ITGB3BP: variants seen among roughly 807,000 people sequenced by gnomAD.
ITGB3BP encodes integrin subunit beta 3 binding protein.
Under a neutral mutation model 29.1 loss-of-function variants are expected in ITGB3BP, and 27 were observed. The observed-to-expected ratio is 0.93, with a 90% confidence interval of 0.68 to 1.28. The LOEUF is 1.28. ITGB3BP is among the 50% of genes most tolerant of loss of function. The probability of loss-of-function intolerance (pLI) is 0.00; values close to 1 mark genes in which losing one functional copy is unlikely to be tolerated. For synonymous variants in ITGB3BP, 61 were observed against 61.4 expected, an observed-to-expected ratio of 0.99 and a Z score of 0.03; for missense variants, 192 against 200.2, an observed-to-expected ratio of 0.96 and a Z score of 0.25.
intron 2 of ITGB3BP, among the ~76,000 whole-genome samples, chr1:63,497,839 A>C (rs998486745): frequency 2.6e-5 from 4 of 152,126 alleles, no homozygotes; most frequent in Non-Finnish European, 4.4e-5. Context: ...TGACTTTATC[A>C]CTGGGGTGTG....
intron 4 of ITGB3BP, among the ~76,000 whole-genome samples, chr1:63,477,977 C>G (rs963894915): frequency 6.6e-6 from 1 of 152,136 alleles, no homozygotes. Flanking sequence ...TCCATGGAGG[C>G]TCAAGTCTCC....
At chr1:63,523,388 CT>C (rs1646509267), upstream of ITGB3BP, 4 of 570,258 alleles carry the variant, frequency 7.0e-6, no homozygotes, top group Non-Finnish European at 1.3e-5. Flanking sequence ...CCTTCTCTCA[CT>C]ACTCTGGCCA....
At chr1:63,517,869 G>A (rs983582407) in intron 1 of ITGB3BP, among the ~76,000 whole-genome samples, 4 of 152,010 alleles carry the variant, frequency 2.6e-5, no homozygotes, top group African/African-American at 4.8e-5. Flanking sequence ...CTACAGGCAC[G>A]TAACGTCACA....
chr1:63,468,691 A>G (rs1645141941), intron 4 of ITGB3BP, among the ~76,000 whole-genome samples: 2 of 151,810 alleles, frequency 1.3e-5, no homozygotes, highest in Admixed American at 1.3e-4. Context: ...GAGAAACCCC[A>G]TCTCTACTAA....
chr1:63,473,694 G>C (rs1463412889), intron 4 of ITGB3BP, among the ~76,000 whole-genome samples: 1 of 85,108 alleles, frequency 1.2e-5, no homozygotes, highest in Non-Finnish European at 2.5e-5. Context: ...TGCCTGGCCA[G>C]CCGCCCCGTC....
chr1:63,491,850 G>C (rs1645655082), intron 2 of ITGB3BP, among the ~76,000 whole-genome samples: 1 of 151,776 alleles, frequency 6.6e-6, no homozygotes, highest in African/African-American at 2.4e-5. Context: ...TTTTTGTACA[G>C]TGAAAGGGTT....
At chr1:63,477,452 C>A (rs555988760) in intron 4 of ITGB3BP, among the ~76,000 whole-genome samples, 1 of 152,298 alleles carries the variant, frequency 6.6e-6, no homozygotes, top group South Asian at 2.1e-4. Flanking sequence ...CATGCAGTAT[C>A]TCACACCTGT....
chr1:63,508,056 A>G (rs1557651935), intron 2 of ITGB3BP, among the ~76,000 whole-genome samples: 1 of 152,168 alleles, frequency 6.6e-6, no homozygotes, highest in Non-Finnish European at 1.5e-5. Context: ...CTGTGGTGCA[A>G]TTTATTACGG....
intron 2 of ITGB3BP, among the ~76,000 whole-genome samples, chr1:63,500,310 G>C (rs757319768): frequency 6.6e-6 from 1 of 152,124 alleles, no homozygotes; most frequent in Non-Finnish European, 1.5e-5. Context: ...CCCAGGAGGC[G>C]GAGGTTGCAG....
chr1:63,484,771 T>C (rs189936201), intron 3 of ITGB3BP, among the ~76,000 whole-genome samples: 1 of 152,202 alleles, frequency 6.6e-6, no homozygotes, highest in African/African-American at 2.4e-5. Context: ...GTCTATGTCC[T>C]TCCTTTTTAA....
At chr1:63,470,416 G>A (rs775972207) in intron 4 of ITGB3BP, among the ~76,000 whole-genome samples, 5 of 152,204 alleles carry the variant, frequency 3.3e-5, no homozygotes, top group South Asian at 4.1e-4. Context: ...CCCAGATCAC[G>A]AAAGAGAACA....
At position 63,523,113 on chromosome 1, in the gene ITGB3BP, G is replaced by C. The variant is rs375198665; in HGVS notation, c.5+16C>G. 6.2e-7 allele frequency: 1 copy of C among 1,613,994 alleles called. No homozygotes were observed. Among genetic ancestry groups the C allele is most frequent in the Admixed American group, 1.7e-5 (1 of 60,004 alleles). On this transcript the variant is annotated intron_variant, in intron 1 of 8. Transcript: ENST00000271002. ...AGGGCCCCCAAAACAGCAATACCTG[G>C]GGAGGAGATACCTACGGCATTCTGA... is the stretch of plus-strand genomic sequence containing the variant.
intron 2 of ITGB3BP, among the ~76,000 whole-genome samples, chr1:63,497,903 G>A (rs1246356633): frequency 7.5e-6 from 1 of 133,058 alleles, no homozygotes; most frequent in Non-Finnish European, 1.6e-5. Flanking sequence ...TTGCACTATT[G>A]TAACACATGC....
chr1:63,478,162 G>C (rs6588039), intron 4 of ITGB3BP, among the ~76,000 whole-genome samples: 4 of 152,210 alleles, frequency 2.6e-5, no homozygotes, highest in African/African-American at 7.2e-5. Context: ...TCAGGACAGA[G>C]GCAACCATTC....
chr1:63,477,792 A>C (rs978478166), intron 4 of ITGB3BP, among the ~76,000 whole-genome samples: 1 of 152,084 alleles, frequency 6.6e-6, no homozygotes, highest in Non-Finnish European at 1.5e-5. Context: ...TTTAGTGTCC[A>C]TTGGTGTGGT....
intron 8 of ITGB3BP, among the ~76,000 whole-genome samples, chr1:63,444,982 C>T (rs977575534): frequency 2.0e-5 from 3 of 152,020 alleles, no homozygotes; most frequent in Non-Finnish European, 4.4e-5. Flanking sequence ...ACACTGCTGG[C>T]ACATAGAAAT....
chr1:63,513,004 C>A (rs1390513722), intron 1 of ITGB3BP, among the ~76,000 whole-genome samples: 1 of 151,988 alleles, frequency 6.6e-6, no homozygotes, highest in African/African-American at 2.4e-5. Context: ...TGATATTTCC[C>A]CATGATTAGG....
At chr1:63,475,735 T>C (rs1429948332) in intron 4 of ITGB3BP, among the ~76,000 whole-genome samples, 2 of 152,110 alleles carry the variant, frequency 1.3e-5, no homozygotes, top group Non-Finnish European at 2.9e-5. Flanking sequence ...CGGTGGCTCA[T>C]GCCTGTAATC....
Position 63,490,108 on chromosome 1 carries a change from T to A in ITGB3BP, c.159A>T (p.Gln53His). 6.2e-7 allele frequency: 1 copy of A among 1,611,572 alleles called. No homozygotes were observed. The highest frequency in any genetic ancestry group is 8.5e-7 in the Non-Finnish European group (1 of 1,178,730). ...CATTTGATAGTCCATTTCTGTGCTT[T>A]TGCTCTTCAGAACTTGTGGGAGAAG... is the stretch of plus-strand genomic sequence containing the variant. Reference protein sequence around the residue: ...LFASPTSSEEQKHRNGLSNEK... With the variant: ...LFASPTSSEEHKHRNGLSNEK... The change falls in exon 3 of 9, where the codon CAA becomes CAT. Residue 53 changes from glutamine to histidine, a missense_variant. Transcript: ENST00000271002.
Sources: gnomAD v4.1 joint callset for allele counts (sites outside exome capture counted in the v4.1 genomes callset) on GRCh38, gnomAD v4.1.1 for gene constraint, MANE v1.5 for transcripts, NCBI Gene and HGNC (gene_info 2026-07-23, HGNC 2026-07-21) for gene names.